The following MOXD1 variants were observed in gnomAD, a reference collection of about 807,000 sequenced individuals.
MOXD1 encodes the protein DBH-like monooxygenase protein 1.
In MOXD1, 62 loss-of-function variants were observed where a neutral mutation model predicts 66.6. The ratio of observed to expected loss-of-function variants is 0.93; its 90% CI spans 0.76 to 1.15. MOXD1 has a LOEUF of 1.15. Ranked by LOEUF, MOXD1 falls within the 50% of genes most tolerant of loss-of-function variation. The probability of loss-of-function intolerance (pLI) is 0.00; values close to 1 mark genes in which losing one functional copy is unlikely to be tolerated. For synonymous variants in MOXD1, 303 were observed against 281.9 expected (o/e 1.07, Z -0.75); for missense variants, 847 against 754.6 (o/e 1.12, Z -1.44).
chr6:132,331,181 G>A (rs979102122), intron 4 of MOXD1, among the ~76,000 whole-genome samples: 1 of 152,054 alleles, frequency 6.6e-6, no homozygotes, highest in African/African-American at 2.4e-5. Context: ...TGACGTTTTT[G>A]GGTTCCTCGG....
Position 132,376,755 on chromosome 6 carries a change from C to T in MOXD1, c.265-1978G>A, listed in dbSNP as rs190091741. ...GTCTCGATCTCCTGACCTCGTGATC[C>T]GCCCGCCTCGGCCTCCCAAAGTGCT... On this transcript the variant is annotated intron_variant, in intron 1 of 11. Transcript: ENST00000367963. Among the ~76,000 whole-genome samples, 627 of 61,116 alleles carry T rather than the reference C, an allele frequency of 0.01. 187 individuals carry two copies. In the East Asian group the frequency reaches 0.23, roughly 22 times the overall value. The allele number at this position is 61,116 out of a possible 152,430, so 40.1% of individuals were successfully genotyped here.
At chr6:132,314,279 A>T (rs1419952999) in intron 10 of MOXD1, among the ~76,000 whole-genome samples, 6 of 152,194 alleles carry the variant, frequency 3.9e-5, no homozygotes, top group Non-Finnish European at 8.8e-5. Flanking sequence ...AGTAACCTGA[A>T]TGGAATGTGT....
At chr6:132,365,611 T>C (rs1407369511) in intron 4 of MOXD1, among the ~76,000 whole-genome samples, 2 of 152,190 alleles carry the variant, frequency 1.3e-5, no homozygotes, top group Non-Finnish European at 2.9e-5. Flanking sequence ...GTGACAGAGT[T>C]AGCAATAAAT....
intron 4 of MOXD1, among the ~76,000 whole-genome samples, chr6:132,329,955 G>A (rs1775282447): frequency 1.3e-5 from 2 of 152,320 alleles, no homozygotes; most frequent in Middle Eastern, 3.4e-3. Flanking sequence ...TGGTCCTAAT[G>A]TGGAAAGCGT....
At chr6:132,314,893 C>G (rs1213932012) in intron 10 of MOXD1, among the ~76,000 whole-genome samples, 1 of 152,104 alleles carries the variant, frequency 6.6e-6, no homozygotes, top group Non-Finnish European at 1.5e-5. Context: ...TTAAATAGCT[C>G]CTATAATTGT....
intron 6 of MOXD1, 117 bp from the exon 7 acceptor site, chr6:132,324,214 T>A: frequency 9.7e-7 from 1 of 1,033,570 alleles, no homozygotes; most frequent in Non-Finnish European, 1.4e-6. Flanking sequence ...TAGGTTTATT[T>A]ATTTTCCATA....
At chr6:132,339,543 G>C (rs560970825) in intron 4 of MOXD1, among the ~76,000 whole-genome samples, 1 of 152,308 alleles carries the variant, frequency 6.6e-6, no homozygotes, top group Non-Finnish European at 1.5e-5. Context: ...TTGCTTTCCA[G>C]CATCAATTCC....
chr6:132,328,359 G>T (rs887706416), intron 5 of MOXD1, 56 bp downstream of exon 5: 8 of 1,571,206 alleles, frequency 5.1e-6, no homozygotes, highest in Non-Finnish European at 7.0e-6. Flanking sequence ...AATCATATTT[G>T]TGGCGGGAAA....
intron 9 of MOXD1, among the ~76,000 whole-genome samples, chr6:132,316,825 G>A (rs374146577): frequency 6.6e-6 from 1 of 152,008 alleles, no homozygotes; most frequent in South Asian, 2.1e-4. Flanking sequence ...CATGTAACTG[G>A]AGTTCTAGAA....
At chr6:132,334,687 C>A (rs1387249165) in intron 4 of MOXD1, among the ~76,000 whole-genome samples, 1 of 152,180 alleles carries the variant, frequency 6.6e-6, no homozygotes, top group Non-Finnish European at 1.5e-5. Context: ...CAGCTCTCAG[C>A]AAATGTCTTC....
chr6:132,338,701 AT>A (rs1242083026), intron 4 of MOXD1, among the ~76,000 whole-genome samples: 1 of 152,184 alleles, frequency 6.6e-6, no homozygotes, highest in Non-Finnish European at 1.5e-5. Context: ...ATGGTGGAAC[AT>A]TTTTTTGGAA....
At chr6:132,350,046 T>C (rs1775772827) in intron 4 of MOXD1, among the ~76,000 whole-genome samples, 1 of 152,256 alleles carries the variant, frequency 6.6e-6, no homozygotes, top group African/African-American at 2.4e-5. Flanking sequence ...ACGTATAGAT[T>C]GTGAAAATTT....
chr6:132,301,513 T>A (rs1400758231), intron 10 of MOXD1, among the ~76,000 whole-genome samples: 1 of 151,880 alleles, frequency 6.6e-6, no homozygotes, highest in Non-Finnish European at 1.5e-5. Flanking sequence ...AATCTGTGGT[T>A]ACATTTCTTA....
At chr6:132,310,305 AT>A (rs1240685168) in intron 10 of MOXD1, among the ~76,000 whole-genome samples, 3 of 152,246 alleles carry the variant, frequency 2.0e-5, no homozygotes, top group African/African-American at 4.8e-5. Flanking sequence ...ATACCATCTC[AT>A]TCCAGTCAGA....
chr6:132,349,778 A>T (rs1295990273), intron 4 of MOXD1, among the ~76,000 whole-genome samples: 4 of 151,674 alleles, frequency 2.6e-5, no homozygotes, highest in Non-Finnish European at 5.9e-5. Flanking sequence ...ATCCACACCA[A>T]CATCTCCTGT....
Position 132,296,709 on chromosome 6 carries a change from T to A in MOXD1, c.*444A>T, listed in dbSNP as rs1248169717. 1 of 153,040 alleles carries A rather than the reference T, an allele frequency of 6.5e-6. No homozygotes were observed. 9.5% of individuals were successfully genotyped at this position (153,040 alleles called of 1,614,324 possible). A position where few individuals can be genotyped will look rare whatever the true frequency, so the allele number is the denominator to read the frequency against. ...GGCTGTTACACTTGAAAAGTCACAC[T>A]AGAAGAACAACAAAGAAGAAGAAAA... On this transcript the variant is annotated 3_prime_UTR_variant, in exon 12 of 12. Coordinates refer to ENST00000367963, the MANE Select transcript of MOXD1 (RefSeq NM_015529.4).
At chr6:132,373,697 G>A (rs1173730095) in intron 2 of MOXD1, among the ~76,000 whole-genome samples, 1 of 152,180 alleles carries the variant, frequency 6.6e-6, no homozygotes, top group Non-Finnish European at 1.5e-5. Context: ...GTTGGGGAGG[G>A]TTTGCTGGGG....
intron 10 of MOXD1, among the ~76,000 whole-genome samples, chr6:132,299,677 CT>C (rs1324395093): frequency 6.6e-6 from 1 of 151,894 alleles, no homozygotes; most frequent in Non-Finnish European, 1.5e-5. Context: ...TTATTGATTC[CT>C]GAAAAAGGGA....
rs1167334807 is a variant in MOXD1 at position 132,401,144 on chromosome 6, C to G, written c.264+19G>C. 6 of 1,485,924 alleles carry G rather than the reference C, an allele frequency of 4.0e-6. No homozygotes were observed. In the South Asian group the frequency reaches 5.2e-5, roughly 13 times the overall value. The allele number at this position is 1,485,924 out of a possible 1,614,324, so 92.0% of individuals were successfully genotyped here. On this transcript the variant is annotated intron_variant, in intron 1 of 11. Coordinates refer to ENST00000367963, the MANE Select transcript of MOXD1 (RefSeq NM_015529.4). Reference sequence around the variant, plus strand: ...GGACCGGGCTCGGCCGGGCGGGCTCCGGGAGGAGACGCGCTTACCTGGAGG... The same window carrying G: ...GGACCGGGCTCGGCCGGGCGGGCTCGGGGAGGAGACGCGCTTACCTGGAGG...
Sources: gnomAD v4.1 joint callset for allele counts (sites outside exome capture counted in the v4.1 genomes callset) on GRCh38, gnomAD v4.1.1 for gene constraint, MANE v1.5 for transcripts, NCBI Gene and HGNC (gene_info 2026-07-23, HGNC 2026-07-21) for gene names.